KAZN: variants seen among roughly 807,000 people sequenced by gnomAD.
KAZN encodes the protein kazrin.
In KAZN, 40 loss-of-function variants were observed where a neutral mutation model predicts 87.4. The ratio of observed to expected loss-of-function variants is 0.46; its 90% confidence interval spans 0.36 to 0.60. The LOEUF (loss-of-function observed/expected upper bound fraction) is 0.60, where lower values mean the gene tolerates loss of function less well. Among genes scored for constraint, KAZN ranks in the 20% least tolerant of loss-of-function variants. KAZN has a pLI of 0.00. For synonymous variants in KAZN, 466 were observed against 458.3 expected (o/e 1.02, Z -0.22); for missense variants, 898 against 1,073.9 (o/e 0.84, Z 2.29).
chr1:15,081,918 TAC>T lies in KAZN; in HGVS notation c.1223-12261_1223-12260del, dbSNP rs1640022596. Among the ~76,000 whole-genome samples the T allele has an allele frequency of 6.6e-6, 1 of 152,144 alleles. No homozygotes were observed. The highest frequency in any genetic ancestry group is 6.5e-5 in the Admixed American group (1 of 15,278). ...TGAGCAGAAGAGGTCCCTGGGAAGA[TAC>T]CATTTTTTAAAAAAATTTCCTCTGG... On this transcript the variant is annotated intron_variant, in intron 8 of 14. Transcript: ENST00000376030. The surrounding 1 kb of genome is among the most constrained non-coding windows in gnomAD (Gnocchi z 4.1).
chr1:15,006,574 C>T (rs536328401), intron 2 of KAZN, among the ~76,000 whole-genome samples: 3 of 152,340 alleles, frequency 2.0e-5, no homozygotes, highest in Non-Finnish European at 4.4e-5. Flanking sequence ...TCATGCCGCA[C>T]ATATTTACTG....
chr1:14,133,445 G>A (rs555692612), intron 1 of KAZN, among the ~76,000 whole-genome samples: 1 of 145,298 alleles, frequency 6.9e-6, no homozygotes, highest in Non-Finnish European at 1.5e-5. Flanking sequence ...AAGAAAATAG[G>A]GGAATCTATG....
Position 14,601,729 on chromosome 1 carries a change from T to A in KAZN, c.226+2506T>A, listed in dbSNP as rs558794135. Among the ~76,000 whole-genome samples, 13 of 152,338 alleles carry A rather than the reference T, an allele frequency of 8.5e-5. No homozygotes were observed. The East Asian group carries it at 2.5e-3, about 29-fold the overall frequency. ...TCCAAATTAGTCTTGTGTTTTCATT[T>A]TGTCTGTGTTGGTGCAGTTCAATGG... On this transcript the variant is annotated intron_variant, in intron 1 of 14. Transcript: ENST00000376030.
intron 8 of KAZN, among the ~76,000 whole-genome samples, chr1:15,079,931 G>A (rs1194979816): frequency 6.6e-6 from 1 of 152,222 alleles, no homozygotes; most frequent in African/African-American, 2.4e-5. Context: ...TAAAGTCATT[G>A]TCATTGGATA....
At chr1:14,040,939 A>AT (rs1641813810) in intron 1 of KAZN, among the ~76,000 whole-genome samples, 1 of 152,132 alleles carries the variant, frequency 6.6e-6, no homozygotes, top group Non-Finnish European at 1.5e-5. Flanking sequence ...GAGAGAAGCC[A>AT]TTTTTTACCT....
At chr1:15,013,978 C>G (rs928062251) in intron 2 of KAZN, among the ~76,000 whole-genome samples, 2 of 152,086 alleles carry the variant, frequency 1.3e-5, no homozygotes, top group Admixed American at 6.5e-5. Context: ...GCCTGTCTCT[C>G]CATTTACTCA....
rs138287429 is a variant in KAZN, at chr1:14,964,828, G to C, written c.418+3953G>C. Among the ~76,000 whole-genome samples the C allele has an allele frequency of 4.6e-5, 7 of 152,240 alleles. No homozygotes were observed. In the East Asian group the frequency reaches 1.4e-3, roughly 29 times the overall value. On this transcript the variant is annotated intron_variant, in intron 2 of 14. Transcript: ENST00000376030. ...AATTTCTAGCATGTGAGAGGAACAG[G>C]AACTCAAGCAGGCACCCAAAACATC...
At position 14,530,677 on chromosome 1, in the gene KAZN, C is replaced by T. The variant is rs534764581; in HGVS notation, c.250-68306C>T. 5.9e-5 allele frequency among the ~76,000 whole-genome samples: 9 copies of T among 152,300 alleles called. No homozygotes were observed. The East Asian group carries it at 1.7e-3, about 29-fold the overall frequency. ...ATGCAATGTGCCTGATCCCCCTTCA[C>T]CTTTTGCCATGAGTGGAAGCTTCCT... On this transcript the variant is annotated intron_variant, in intron 2 of 16. Coordinates refer to the KAZN transcript ENST00000636203.
intron 1 of KAZN, among the ~76,000 whole-genome samples, chr1:14,046,157 C>T (rs1459185202): frequency 6.6e-6 from 1 of 152,142 alleles, no homozygotes; most frequent in East Asian, 1.9e-4. Context: ...GGTGGGTTCA[C>T]CTAATGATGA....
At chr1:14,206,201 G>T (rs887272318) in intron 2 of KAZN, among the ~76,000 whole-genome samples, 2 of 151,934 alleles carry the variant, frequency 1.3e-5, no homozygotes, top group African/African-American at 4.8e-5. Flanking sequence ...AATACAACAG[G>T]TTAATATTTT....
At chr1:14,898,151 A>C (rs1394140405) in intron 1 of KAZN, among the ~76,000 whole-genome samples, 1 of 152,168 alleles carries the variant, frequency 6.6e-6, no homozygotes. Context: ...CAGATGAACC[A>C]ACTTCTCAGC....
intron 2 of KAZN, among the ~76,000 whole-genome samples, chr1:14,236,290 G>A (rs1648413369): frequency 6.6e-6 from 1 of 152,124 alleles, no homozygotes; most frequent in South Asian, 2.1e-4. Context: ...TTTCAGGGTT[G>A]GGATTAAAGG....
intron 1 of KAZN, among the ~76,000 whole-genome samples, chr1:14,665,932 CAAAA>C (rs60081619): frequency 6.5e-5 from 7 of 108,026 alleles, no homozygotes; most frequent in Admixed American, 1.1e-4. Flanking sequence ...AAGCTTTGCT[CAAAA>C]AAAAAAAAAA....
At chr1:14,662,582 T>C (rs1322215163) in intron 1 of KAZN, among the ~76,000 whole-genome samples, 9 of 152,072 alleles carry the variant, frequency 5.9e-5, no homozygotes, top group Admixed American at 2.6e-4. Context: ...TACATTTCTG[T>C]TTTATATGAT....
At chr1:13,926,830 G>T (rs1640298989) in intron 1 of KAZN, among the ~76,000 whole-genome samples, 1 of 152,062 alleles carries the variant, frequency 6.6e-6, no homozygotes, top group African/African-American at 2.4e-5. Flanking sequence ...ATTTTTCCAA[G>T]TTAGGGCTTC....
intron 2 of KAZN, among the ~76,000 whole-genome samples, chr1:14,385,247 T>A (rs1276561574): frequency 4.6e-5 from 7 of 152,194 alleles, no homozygotes; most frequent in African/African-American, 1.7e-4. Flanking sequence ...ATTTTGTTGA[T>A]CCTTTCAAAA....
intron 2 of KAZN, among the ~76,000 whole-genome samples, chr1:14,295,215 C>G (rs1654020006): frequency 6.6e-6 from 1 of 152,210 alleles, no homozygotes; most frequent in Admixed American, 6.5e-5. Flanking sequence ...GCTATCAGGC[C>G]CTGATGACAT....
intron 2 of KAZN, among the ~76,000 whole-genome samples, chr1:14,234,674 G>C (rs570511874): frequency 6.6e-6 from 1 of 152,314 alleles, no homozygotes; most frequent in South Asian, 2.1e-4. Context: ...GAAGTGGGTG[G>C]AGCATGGGTA....
chr1:14,141,762 T>C (rs1458379393), intron 1 of KAZN, among the ~76,000 whole-genome samples: 1 of 152,168 alleles, frequency 6.6e-6, no homozygotes, highest in East Asian at 1.9e-4. Flanking sequence ...TGCTACTGAA[T>C]GCAATTTTTT....
Sources: gnomAD v4.1 joint callset for allele counts (sites outside exome capture counted in the v4.1 genomes callset) on GRCh38, gnomAD v4.1.1 for gene constraint, Gnocchi (gnomAD v3.1) non-coding constraint, MANE v1.5 for transcripts, NCBI Gene and HGNC (gene_info 2026-07-23, HGNC 2026-07-21) for gene names.